The following ILDR2 variants were observed in gnomAD, a reference collection of about 807,000 sequenced individuals.
The protein encoded by ILDR2 is immunoglobulin like domain containing receptor 2.
In ILDR2, 25 loss-of-function variants were observed where a neutral mutation model predicts 66.8. The observed-to-expected ratio is 0.37, with a 90% confidence interval of 0.27 to 0.52. The LOEUF (loss-of-function observed/expected upper bound fraction) is 0.52, where lower values mean the gene tolerates loss of function less well. Among genes scored for constraint, ILDR2 ranks in the 20% least tolerant of loss-of-function variants. The pLI is 0.88. For missense variants in ILDR2, 827 were observed against 876.8 expected (o/e 0.94, Z 0.72); for synonymous variants, 367 against 357.2 (o/e 1.03, Z -0.31).
chr1:166,962,478 C>T (rs538395075), intron 1 of ILDR2, among the ~76,000 whole-genome samples: 44 of 152,130 alleles, frequency 2.9e-4, no homozygotes, highest in Non-Finnish European at 3.7e-4. Flanking sequence ...ATGGCTGATC[C>T]AAATCTGAAA....
At chr1:166,943,817 A>G in intron 3 of ILDR2, 2 of 985,266 alleles carry the variant, frequency 2.0e-6, no homozygotes, top group Non-Finnish European at 2.4e-6. Context: ...TCAGTTTAAG[A>G]GTGGCAATTA....
chr1:166,896,545 G>GATATATATATAT (rs3076028), intron 2 of ILDR2, among the ~76,000 whole-genome samples: 4 of 146,530 alleles, frequency 2.7e-5, no homozygotes, highest in African/African-American at 1.0e-4. Context: ...AATGGAAACA[G>GATATATATATAT]ATATATATAT....
In ILDR2 at chr1:166,916,617, T is replaced by C. The variant is rs1307937507; in HGVS notation, c.*2738A>G. 6.6e-6 allele frequency: 1 copy of C among 152,254 alleles called. No individual in the cohort carries two copies. The highest frequency in any genetic ancestry group is 2.4e-5 in the African/African-American group (1 of 41,468). 9.4% of individuals were successfully genotyped at this position (152,254 alleles called of 1,614,324 possible). ...GGTGCTGAGGACAAGAAGTTTTGAC[T>C]TGTCAACTCAGCCTTAACTCCTGTC... On this transcript the variant is annotated 3_prime_UTR_variant, in exon 10 of 10. Transcript: ENST00000271417.
chr1:166,950,791 A>G (rs1338309358), intron 3 of ILDR2, among the ~76,000 whole-genome samples: 2 of 151,746 alleles, frequency 1.3e-5, no homozygotes, highest in African/African-American at 4.8e-5. Context: ...TATCTATGTA[A>G]TATAACTGTA....
chr1:166,899,202 G>A (rs1357056342), intron 2 of ILDR2, among the ~76,000 whole-genome samples: 1 of 152,108 alleles, frequency 6.6e-6, no homozygotes, highest in Non-Finnish European at 1.5e-5. Context: ...AGACCAGCCT[G>A]ACCAATATGG....
At chr1:166,930,747 C>T (rs1415733207) in intron 6 of ILDR2, among the ~76,000 whole-genome samples, 1 of 152,074 alleles carries the variant, frequency 6.6e-6, no homozygotes, top group African/African-American at 2.4e-5. Flanking sequence ...ACTTACAAGC[C>T]CCAGCAACCA....
intron 6 of ILDR2, among the ~76,000 whole-genome samples, chr1:166,928,124 T>C (rs1660415486): frequency 6.6e-6 from 1 of 152,166 alleles, no homozygotes; most frequent in South Asian, 2.1e-4. Context: ...TGAAAAATAA[T>C]GGTAATTAGT....
intron 2 of ILDR2, among the ~76,000 whole-genome samples, chr1:166,897,293 T>G (rs1659183785): frequency 1.3e-5 from 2 of 152,148 alleles, no homozygotes; most frequent in South Asian, 4.1e-4. Context: ...GGGTTGGCTG[T>G]GGGTGTGTGT....
At chr1:166,899,586 T>C (rs1659228390) in intron 2 of ILDR2, among the ~76,000 whole-genome samples, 2 of 152,168 alleles carry the variant, frequency 1.3e-5, no homozygotes, top group Non-Finnish European at 2.9e-5. Flanking sequence ...AGATGAGCCA[T>C]GGGCCTTTTT....
rs1256214564 is a variant in ILDR2 at position 166,909,136 on chromosome 1, T to C, written c.*10219A>G. On this transcript the variant is annotated 3_prime_UTR_variant, in exon 10 of 10. Coordinates refer to ENST00000271417, the MANE Select transcript of ILDR2 (RefSeq NM_199351.3). Reference sequence around the variant, plus strand: ...TCTGGCCACATGATTAGCTCAGATATGGGCACATGACTCAATATGAGTTGA... The same window carrying C: ...TCTGGCCACATGATTAGCTCAGATACGGGCACATGACTCAATATGAGTTGA... The C allele has an allele frequency of 6.6e-6, 1 of 152,210 alleles. No homozygotes were observed. Among genetic ancestry groups the C allele is most frequent in the East Asian group, 1.9e-4 (1 of 5,196 alleles). The allele number at this position is 152,210 out of a possible 1,614,324, so 9.4% of individuals were successfully genotyped here. A position where few individuals can be genotyped will look rare whatever the true frequency, so the allele number is the denominator to read the frequency against.
At chr1:166,907,411 G>A (rs1215823398), downstream of ILDR2, among the ~76,000 whole-genome samples, 1 of 152,190 alleles carries the variant, frequency 6.6e-6, no homozygotes, top group Non-Finnish European at 1.5e-5. Flanking sequence ...CTTCATGTGA[G>A]AGAGTTATTT....
intron 6 of ILDR2, among the ~76,000 whole-genome samples, chr1:166,931,494 A>T (rs973766373): frequency 6.6e-6 from 1 of 152,248 alleles, no homozygotes; most frequent in African/African-American, 2.4e-5. Context: ...TGAAAATGAC[A>T]TTTCAAAACC....
chr1:166,904,479 C>T (rs74758410), downstream of ILDR2, among the ~76,000 whole-genome samples: 585 of 152,294 alleles, frequency 3.8e-3, 8 homozygotes, highest in African/African-American at 0.013. Flanking sequence ...TTCATATGAG[C>T]TTCTACAATC....
downstream of ILDR2, among the ~76,000 whole-genome samples, chr1:166,906,314 T>C (rs987362766): frequency 6.6e-6 from 1 of 152,188 alleles, no homozygotes; most frequent in East Asian, 1.9e-4. Flanking sequence ...GCATTGAACA[T>C]GGTGACAGGG....
chr1:166,953,186 G>T (rs563924200), intron 3 of ILDR2, among the ~76,000 whole-genome samples: 8 of 152,264 alleles, frequency 5.3e-5, no homozygotes, highest in African/African-American at 1.9e-4. Flanking sequence ...CTAAGCAGGG[G>T]ACAACTGACC....
chr1:166,923,456 G>T (rs1660081376), intron 7 of ILDR2, among the ~76,000 whole-genome samples: 1 of 152,236 alleles, frequency 6.6e-6, no homozygotes, highest in Non-Finnish European at 1.5e-5. Context: ...GAACCTGGAA[G>T]ATCCTGCTCA....
chr1:166,964,936 T>A (rs149802123), intron 1 of ILDR2, among the ~76,000 whole-genome samples: 311 of 152,360 alleles, frequency 2.0e-3, no homozygotes, highest in African/African-American at 7.3e-3. Context: ...TGTAAGCTAT[T>A]CCTGCCAGCA....
At chr1:166,927,270 T>C in intron 6 of ILDR2, 90 bp from the exon 7 acceptor site, 1 of 777,338 alleles carries the variant, frequency 1.3e-6, no homozygotes, top group Non-Finnish European at 2.2e-6. Flanking sequence ...GAAAATAGGG[T>C]TTCCAATTAT....
chr1:166,921,328 C>G lies in ILDR2; in HGVS notation c.1263G>C (p.Gly421=), dbSNP rs1244766424. 1 of 1,586,786 alleles carries G rather than the reference C, an allele frequency of 6.3e-7. No individual in the cohort carries two copies. The highest frequency in any genetic ancestry group is 8.6e-7 in the Non-Finnish European group (1 of 1,163,530). ...GCTCGTCCATGGAAACGGCCGGCAC[C>G]CCCGTGGCGAAGTTCTTCCGCGACA... ...EMLSRKNFAT[G]VPAVSMDELA... The change falls in exon 9 of 10, where the codon GGG becomes GGC. Residue 421 remains glycine (G), a synonymous_variant. Transcript: ENST00000271417. This position sits in a 1 kb window ranked among gnomAD's most constrained non-coding sequence, Gnocchi z 5.3.
Sources: allele counts gnomAD v4.1 joint callset (sites outside exome capture counted in the v4.1 genomes callset), GRCh38; gene constraint gnomAD v4.1.1; non-coding constraint Gnocchi (gnomAD v3.1); transcripts MANE v1.5; gene names NCBI Gene and HGNC (gene_info 2026-07-23, HGNC 2026-07-21).